AGAP1: variants seen among roughly 807,000 people sequenced by gnomAD.
AGAP1 encodes the protein arf-GAP with GTPase, ANK repeat and PH domain-containing protein 1.
A neutral mutation model predicts 105.3 loss-of-function variants in AGAP1; 29 were observed. The ratio of observed to expected loss-of-function variants is 0.28; its 90% CI spans 0.21 to 0.38. The LOEUF is 0.38. Among genes scored for constraint, AGAP1 ranks in the 10% least tolerant of loss-of-function variants. AGAP1 has a pLI of 1.00. For missense variants in AGAP1, 998 were observed against 1,165.1 expected (o/e 0.86, Z 2.09); for synonymous variants, 509 against 485.9 (o/e 1.05, Z -0.63).
intron 13 of AGAP1, among the ~76,000 whole-genome samples, chr2:236,019,376 GC>G (rs1366369412): frequency 6.6e-6 from 1 of 152,200 alleles, no homozygotes; most frequent in East Asian, 1.9e-4. Flanking sequence ...TGCTCTGGGG[GC>G]TTTGTGGAGA....
intron 16 of AGAP1, among the ~76,000 whole-genome samples, chr2:236,085,248 T>G (rs1002240786): frequency 6.6e-6 from 1 of 151,934 alleles, no homozygotes; most frequent in African/African-American, 2.4e-5. Context: ...AAATTTTTAT[T>G]TACCCAATTC....
Position 235,953,358 on chromosome 2 carries a change from C to T in AGAP1, c.1484-15104C>T, listed in dbSNP as rs1314510941. Among the ~76,000 whole-genome samples, 3 of 152,098 alleles carry T rather than the reference C, an allele frequency of 2.0e-5. No individual in the cohort carries two copies. Among genetic ancestry groups the T allele is most frequent in the East Asian group, 3.9e-4 (2 of 5,190 alleles). On this transcript the variant is annotated intron_variant, in intron 12 of 17. Transcript: ENST00000304032. This position sits in a 1 kb window ranked among gnomAD's most constrained non-coding sequence, Gnocchi z 5.2. The stretch of plus-strand genomic sequence containing the variant: ...ATGTGATGGCCAAGGGAAAAGAAAA[C>T]GTAATTTATCGTTATAAGATGTTAA...
intron 6 of AGAP1, among the ~76,000 whole-genome samples, chr2:235,764,487 T>TA (rs929730302): frequency 6.6e-6 from 1 of 152,244 alleles, no homozygotes; most frequent in Non-Finnish European, 1.5e-5. Flanking sequence ...TTGGTGATCG[T>TA]AAAAATCTGT....
At chr2:235,540,805 AAC>A (rs1943410929) in intron 1 of AGAP1, among the ~76,000 whole-genome samples, 1 of 152,034 alleles carries the variant, frequency 6.6e-6, no homozygotes, top group Non-Finnish European at 1.5e-5. Context: ...AGTGAGAAGA[AAC>A]ACTTCAGGGC....
At chr2:235,870,318 G>A (rs1243922845) in intron 9 of AGAP1, among the ~76,000 whole-genome samples, 3 of 152,150 alleles carry the variant, frequency 2.0e-5, no homozygotes, top group African/African-American at 4.8e-5. Context: ...TGGTGACTCA[G>A]GAACAGGAGA....
chr2:235,884,751 G>A (rs899553553), intron 10 of AGAP1, among the ~76,000 whole-genome samples: 1 of 152,096 alleles, frequency 6.6e-6, no homozygotes, highest in African/African-American at 2.4e-5. Flanking sequence ...ACCGCGCCTG[G>A]CCTTCTTTTG....
At chr2:235,945,924 C>T (rs1349250064) in intron 12 of AGAP1, among the ~76,000 whole-genome samples, 7 of 151,470 alleles carry the variant, frequency 4.6e-5, no homozygotes, top group African/African-American at 1.7e-4. Flanking sequence ...GGGGACTTGC[C>T]GCACACTTTT....
In AGAP1 at chr2:235,689,851, T is replaced by A. The variant is rs1370075184; in HGVS notation, c.164-19328T>A. ...TGCCAGGAGAGCATCTGGGGTGGTGTCCTACACCTCCTTTCCAGGAGTTTC... is the reference window on the plus strand; with the variant it reads ...TGCCAGGAGAGCATCTGGGGTGGTGACCTACACCTCCTTTCCAGGAGTTTC... On this transcript the variant is annotated intron_variant, in intron 1 of 17. Coordinates refer to ENST00000304032, the MANE Select transcript of AGAP1 (RefSeq NM_001037131.3). This position sits in a 1 kb window ranked among gnomAD's most constrained non-coding sequence, Gnocchi z 4.2. Among the ~76,000 whole-genome samples the A allele has an allele frequency of 6.6e-6, 1 of 152,144 alleles. No individual in the cohort carries two copies. Among genetic ancestry groups the A allele is most frequent in the Non-Finnish European group, 1.5e-5 (1 of 68,030 alleles).
At chr2:235,607,632 G>A (rs1945989987) in intron 1 of AGAP1, among the ~76,000 whole-genome samples, 1 of 152,194 alleles carries the variant, frequency 6.6e-6, no homozygotes, top group South Asian at 2.1e-4. Flanking sequence ...GCCCTGTAAG[G>A]CCCCCTTCGG....
chr2:235,835,090 T>C (rs967236123), intron 9 of AGAP1, among the ~76,000 whole-genome samples: 1 of 152,182 alleles, frequency 6.6e-6, no homozygotes, highest in Non-Finnish European at 1.5e-5. Flanking sequence ...ACTTTTGCTC[T>C]CCCCGATTGC....
rs200988229 is a variant in AGAP1 at position 236,124,042 on chromosome 2, G to A, written c.2494G>A (p.Val832Met). The A allele has an allele frequency of 2.6e-4, 414 of 1,614,036 alleles. 3 individuals are homozygous for A. In the East Asian group the frequency reaches 4.9e-3, roughly 19 times the overall value. Reference sequence around the variant, plus strand: ...GTACGGCTGCCCCGACGAGCGCTTCGTGCTCATGGCCACCCCTAACCTGTC... The same window carrying A: ...GTACGGCTGCCCCGACGAGCGCTTCATGCTCATGGCCACCCCTAACCTGTC... The part of the protein sequence containing the change: ...LQYGCPDERF[V>M]LMATPNLSRR... The change falls in exon 18 of 18, where the codon GTG becomes ATG. Residue 832 changes from valine (V) to methionine (M), a missense_variant. By Grantham distance (21) the Val-to-Met change is conservative. Transcript: ENST00000304032. This position sits in a 1 kb window ranked among gnomAD's most constrained non-coding sequence, Gnocchi z 5.1.
intron 9 of AGAP1, among the ~76,000 whole-genome samples, chr2:235,848,074 C>T (rs779963017): frequency 1.6e-4 from 24 of 152,278 alleles, no homozygotes; most frequent in Admixed American, 5.2e-4. Context: ...TTCTGGGTGC[C>T]CTAGACAGGG....
chr2:235,885,189 C>A (rs2050214826), intron 10 of AGAP1, among the ~76,000 whole-genome samples: 1 of 152,172 alleles, frequency 6.6e-6, no homozygotes, highest in Admixed American at 6.5e-5. Flanking sequence ...TTTCTCTTTT[C>A]CTTCCACAAG....
At position 235,631,251 on chromosome 2, in the gene AGAP1, A is replaced by T. The variant is rs13420924; in HGVS notation, c.164-77928A>T. Among the ~76,000 whole-genome samples the T allele has an allele frequency of 2.0e-5, 3 of 152,172 alleles. No individual in the cohort carries two copies. Among genetic ancestry groups the T allele is most frequent in the African/African-American group, 7.2e-5 (3 of 41,430 alleles). ...GATAACTGGAATGCTGTCAGATCCC[A>T]GGGTAACAAAAGGGTGGTGTCCCCT... On this transcript the variant is annotated intron_variant, in intron 1 of 17. Transcript: ENST00000304032. This position sits in a 1 kb window ranked among gnomAD's most constrained non-coding sequence, Gnocchi z 5.4.
intron 1 of AGAP1, among the ~76,000 whole-genome samples, chr2:235,661,535 G>C (rs55823170): frequency 7.0e-6 from 1 of 143,238 alleles, no homozygotes; most frequent in Admixed American, 6.7e-5. Context: ...CTGTGGGGGT[G>C]GGGGGGCTGT....
At chr2:235,996,562 G>A (rs959081677) in intron 13 of AGAP1, among the ~76,000 whole-genome samples, 4 of 152,156 alleles carry the variant, frequency 2.6e-5, no homozygotes, top group Non-Finnish European at 5.9e-5. Context: ...AAGCCCTGAC[G>A]TCAGCATGAC....
intron 1 of AGAP1, chr2:235,524,538 G>A: frequency 3.0e-6 from 1 of 331,822 alleles, no homozygotes; most frequent in Non-Finnish European, 6.4e-6. Context: ...CAGCCCCCAT[G>A]GGTAAGTATA....
chr2:235,581,905 C>G (rs1201043998), intron 1 of AGAP1, among the ~76,000 whole-genome samples: 1 of 152,166 alleles, frequency 6.6e-6, no homozygotes, highest in Non-Finnish European at 1.5e-5. Flanking sequence ...AAAATTGAAA[C>G]CTGGAAGAAG....
At chr2:236,008,916 TG>T (rs1467299096) in intron 13 of AGAP1, among the ~76,000 whole-genome samples, 3 of 152,258 alleles carry the variant, frequency 2.0e-5, no homozygotes, top group Middle Eastern at 3.2e-3. Context: ...CTGTGTTTTG[TG>T]GCTCCAAATT....
Sources: gnomAD v4.1 joint callset for allele counts (sites outside exome capture counted in the v4.1 genomes callset) on GRCh38, gnomAD v4.1.1 for gene constraint, Gnocchi (gnomAD v3.1) non-coding constraint, MANE v1.5 for transcripts, NCBI Gene and HGNC (gene_info 2026-07-23, HGNC 2026-07-21) for gene names.